The following CASQ2 variants were observed in gnomAD, a reference collection of about 807,000 sequenced individuals.
CASQ2 encodes the protein calsequestrin 2, also known as calsequestrin-2.
CASQ2 carries 49 observed loss-of-function variants against 46.5 expected under a neutral mutation model. The ratio of observed to expected loss-of-function variants is 1.05; its 90% CI spans 0.84 to 1.34. The LOEUF is 1.34. CASQ2 is among the 40% of genes most tolerant of loss of function. CASQ2 has a pLI of 0.00. For missense variants in CASQ2, 486 were observed against 481.3 expected (o/e 1.01, Z -0.09); for synonymous variants, 174 against 168.5 (o/e 1.03, Z -0.25).
At chr1:115,705,324 C>T (rs1254743312) in intron 8 of CASQ2, 32 bp from the exon 9 acceptor site, 2 of 1,354,760 alleles carry the variant, frequency 1.5e-6, no homozygotes, top group Admixed American at 3.4e-5. Context: ...TTGAGTAACC[C>T]CTGCACATAC....
chr1:115,713,303 C>T (rs1391462089), intron 8 of CASQ2, among the ~76,000 whole-genome samples: 1 of 152,196 alleles, frequency 6.6e-6, no homozygotes, highest in Non-Finnish European at 1.5e-5. Context: ...AGCGCAGGAG[C>T]TGGAGGAAGA....
intron 8 of CASQ2, among the ~76,000 whole-genome samples, chr1:115,710,593 G>A (rs530393920): frequency 3.3e-5 from 5 of 152,252 alleles, no homozygotes; most frequent in South Asian, 2.1e-4. Flanking sequence ...CAGGGCTGGC[G>A]GGCTGGCCTC....
At chr1:115,708,794 G>C (rs1458056025) in intron 8 of CASQ2, among the ~76,000 whole-genome samples, 1 of 152,294 alleles carries the variant, frequency 6.6e-6, no homozygotes, top group Non-Finnish European at 1.5e-5. Context: ...CAGTGATCTG[G>C]GCACTGGGAG....
At chr1:115,723,416 G>T (rs1647461637) in intron 7 of CASQ2, among the ~76,000 whole-genome samples, 1 of 151,992 alleles carries the variant, frequency 6.6e-6, no homozygotes, top group South Asian at 2.1e-4. Context: ...AGATATTGAA[G>T]TTCTTTGCAC....
intron 8 of CASQ2, among the ~76,000 whole-genome samples, chr1:115,714,035 T>C (rs1654626804): frequency 6.6e-6 from 1 of 152,184 alleles, no homozygotes; most frequent in South Asian, 2.1e-4. Context: ...TACAGACGTA[T>C]ATGCCACTCA....
At chr1:115,714,720 A>G (rs573782060) in intron 8 of CASQ2, among the ~76,000 whole-genome samples, 11 of 152,328 alleles carry the variant, frequency 7.2e-5, no homozygotes, top group African/African-American at 2.6e-4. Flanking sequence ...ACAAATTCAG[A>G]GTCAGGGACT....
intron 5 of CASQ2, among the ~76,000 whole-genome samples, chr1:115,732,432 T>C (rs375227190): frequency 9.8e-4 from 149 of 152,304 alleles, no homozygotes; most frequent in African/African-American, 3.4e-3. Flanking sequence ...TCCCACCACG[T>C]CCCTTCCCTG....
At chr1:115,737,903 T>A (rs547252719) in intron 4 of CASQ2, among the ~76,000 whole-genome samples, 101 of 152,334 alleles carry the variant, frequency 6.6e-4, no homozygotes, top group Non-Finnish European at 9.6e-4. Context: ...AGCCCATTGC[T>A]TGTCCCATTG....
rs562055853 is a variant in CASQ2 at position 115,720,994 on chromosome 1, T to C, written c.784-3100A>G. On this transcript the variant is annotated intron_variant, in intron 7 of 10. Coordinates refer to ENST00000261448, the MANE Select transcript of CASQ2 (RefSeq NM_001232.4). Reference sequence around the variant, plus strand: ...ACCAACAACATATATTACCACTTAATATTTTACTCAGTTTCCTTCCAGTCT... The same window carrying C: ...ACCAACAACATATATTACCACTTAACATTTTACTCAGTTTCCTTCCAGTCT... Among the ~76,000 whole-genome samples the C allele has an allele frequency of 3.6e-4, 55 of 152,348 alleles. 1 individual carries two copies. The South Asian group carries it at 0.011, about 32-fold the overall frequency.
intron 7 of CASQ2, 96 bp downstream of exon 7, chr1:115,725,412 A>G: frequency 7.2e-7 from 1 of 1,390,284 alleles, no homozygotes. Flanking sequence ...TCAGCCAAAT[A>G]AACTTGGTTT....
In CASQ2 at chr1:115,733,272, G is replaced by A. The variant is rs182552552; in HGVS notation, c.533-298C>T. Among the ~76,000 whole-genome samples, 368 of 152,126 alleles carry A rather than the reference G, an allele frequency of 2.4e-3. 4 individuals are homozygous for A. Among genetic ancestry groups the A allele is most frequent in the Non-Finnish European group, 8.2e-4 (56 of 68,002 alleles). The stretch of plus-strand genomic sequence containing the variant: ...GAGGAAAAGAGAGAGAAAAAGACGC[G>A]TAAAACTCCAAACCAAAATAAAAAG... On this transcript the variant is annotated intron_variant, in intron 4 of 10. Transcript: ENST00000261448.
intron 1 of CASQ2, among the ~76,000 whole-genome samples, chr1:115,766,063 T>G (rs1242088692): frequency 6.6e-6 from 1 of 152,192 alleles, no homozygotes; most frequent in East Asian, 1.9e-4. Flanking sequence ...CCTTCACTAA[T>G]GGAGCCCAGG....
At chr1:115,756,164 C>T (rs1176932148) in intron 1 of CASQ2, among the ~76,000 whole-genome samples, 1 of 152,180 alleles carries the variant, frequency 6.6e-6, no homozygotes, top group Non-Finnish European at 1.5e-5. Flanking sequence ...GAGGAGAGGC[C>T]TGTCTGGCTT....
At chr1:115,758,336 A>G (rs959602159) in intron 1 of CASQ2, among the ~76,000 whole-genome samples, 13 of 152,226 alleles carry the variant, frequency 8.5e-5, no homozygotes, top group African/African-American at 3.1e-4. Context: ...TAAGTTCATA[A>G]TATGTGCTTC....
At chr1:115,747,199 C>T (rs1382306746) in intron 1 of CASQ2, among the ~76,000 whole-genome samples, 4 of 151,946 alleles carry the variant, frequency 2.6e-5, no homozygotes, top group East Asian at 1.9e-4. Flanking sequence ...AATAGATGTC[C>T]GACTGTTCCG....
intron 4 of CASQ2, among the ~76,000 whole-genome samples, chr1:115,733,649 C>A (rs1647864877): frequency 6.6e-6 from 1 of 152,120 alleles, no homozygotes; most frequent in African/African-American, 2.4e-5. Context: ...TACCTTGGTA[C>A]ACCTGGGGAG....
chr1:115,718,638 A>G (rs1647257860), intron 7 of CASQ2, among the ~76,000 whole-genome samples: 1 of 152,088 alleles, frequency 6.6e-6, no homozygotes, highest in Non-Finnish European at 1.5e-5. Flanking sequence ...AATTGTCTGG[A>G]ATTTGAGCGT....
At chr1:115,763,931 C>T (rs1202067312) in intron 1 of CASQ2, among the ~76,000 whole-genome samples, 1 of 152,012 alleles carries the variant, frequency 6.6e-6, no homozygotes, top group Non-Finnish European at 1.5e-5. Flanking sequence ...TGCCCATGTC[C>T]TCTGTCTCTG....
At position 115,768,661 on chromosome 1, in the gene CASQ2, G is replaced by T. The variant is rs1649212078; in HGVS notation, c.-120C>A. 4 of 729,592 alleles carry T rather than the reference G, an allele frequency of 5.5e-6. No individual in the cohort carries two copies. Among genetic ancestry groups the T allele is most frequent in the South Asian group, 3.1e-5 (2 of 64,070 alleles). The allele number at this position is 729,592 out of a possible 1,614,324, so 45.2% of individuals were successfully genotyped here. A position where few individuals can be genotyped will look rare whatever the true frequency, so the allele number is the denominator to read the frequency against. On this transcript the variant is annotated 5_prime_UTR_variant, in exon 1 of 11. Transcript: ENST00000261448. ...GACAGGCTGATTTTCTCTCTTCTTT[G>T]CCCTTCCTGGGGCTGAAAAGTGACT...
Sources: allele counts gnomAD v4.1 joint callset (sites outside exome capture counted in the v4.1 genomes callset), GRCh38; gene constraint gnomAD v4.1.1; transcripts MANE v1.5; gene names NCBI Gene and HGNC (gene_info 2026-07-23, HGNC 2026-07-21).